SGCZ: variants seen among roughly 807,000 people sequenced by gnomAD.
The protein encoded by SGCZ is zeta-sarcoglycan.
In SGCZ, 40 loss-of-function variants were observed where a neutral mutation model predicts 41.3. The ratio of observed to expected loss-of-function variants is 0.97; its 90% CI spans 0.75 to 1.26. The LOEUF (loss-of-function observed/expected upper bound fraction) is 1.26, where lower values mean the gene tolerates loss of function less well. SGCZ is among the 50% of genes most tolerant of loss of function. The pLI is 0.00. For missense variants in SGCZ, 552 were observed against 369.8 expected (o/e 1.49, Z -4.04); for synonymous variants, 206 against 137.5 (o/e 1.50, Z -3.49).
chr8:14,667,592 G>A (rs1807951725), intron 1 of SGCZ, among the ~76,000 whole-genome samples: 1 of 152,064 alleles, frequency 6.6e-6, no homozygotes, highest in African/African-American at 2.4e-5. Flanking sequence ...CTCTCTTTCT[G>A]AAGCCAAATG....
At chr8:14,380,081 T>C (rs1314983641) in intron 2 of SGCZ, among the ~76,000 whole-genome samples, 1 of 152,182 alleles carries the variant, frequency 6.6e-6, no homozygotes, top group Non-Finnish European at 1.5e-5. Context: ...ATTGCTGATC[T>C]TATCAGGGCA....
intron 2 of SGCZ, among the ~76,000 whole-genome samples, chr8:14,457,542 G>T (rs547135409): frequency 6.6e-6 from 1 of 152,296 alleles, no homozygotes; most frequent in Non-Finnish European, 1.5e-5. Flanking sequence ...AGGCCTAACC[G>T]TCTCCCTGTG....
intron 4 of SGCZ, among the ~76,000 whole-genome samples, chr8:14,219,383 A>G (rs1806109883): frequency 6.6e-6 from 1 of 152,192 alleles, no homozygotes; most frequent in Non-Finnish European, 1.5e-5. Flanking sequence ...TGCAGCCGGT[A>G]TTGGTCAACA....
chr8:14,404,080 T>G (rs796452318), intron 2 of SGCZ, among the ~76,000 whole-genome samples: 1 of 152,106 alleles, frequency 6.6e-6, no homozygotes, highest in East Asian at 1.9e-4. Context: ...AAAGAGAGAA[T>G]AGACAATATG....
intron 1 of SGCZ, among the ~76,000 whole-genome samples, chr8:14,775,643 G>A (rs925061627): frequency 3.9e-5 from 6 of 152,248 alleles, no homozygotes; most frequent in Admixed American, 2.0e-4. Flanking sequence ...TGAGTATATA[G>A]AGTTTGGTTA....
At chr8:15,086,804 C>G (rs565916577) in intron 1 of SGCZ, among the ~76,000 whole-genome samples, 44 of 152,118 alleles carry the variant, frequency 2.9e-4, no homozygotes, top group African/African-American at 1.0e-3. Flanking sequence ...TTTCTCTCTG[C>G]ATTGTCTTTC....
At chr8:15,056,586 T>C (rs1276028630) in intron 1 of SGCZ, among the ~76,000 whole-genome samples, 1 of 152,078 alleles carries the variant, frequency 6.6e-6, no homozygotes, top group East Asian at 1.9e-4. Flanking sequence ...TAAATGTAGA[T>C]ATGAGGTGCC....
At chr8:14,368,098 C>G (rs1563283726) in intron 2 of SGCZ, among the ~76,000 whole-genome samples, 3 of 151,954 alleles carry the variant, frequency 2.0e-5, no homozygotes, top group African/African-American at 7.2e-5. Context: ...CCCAGTGTAA[C>G]ATTTTTTTTA....
chr8:14,156,318 G>A (rs931131493), intron 5 of SGCZ, among the ~76,000 whole-genome samples: 1 of 151,950 alleles, frequency 6.6e-6, no homozygotes, highest in Non-Finnish European at 1.5e-5. Flanking sequence ...AAGTTAGCCG[G>A]GCGTGGTGGT....
chr8:14,283,127 G>C (rs1024523106), intron 3 of SGCZ, among the ~76,000 whole-genome samples: 1 of 152,000 alleles, frequency 6.6e-6, no homozygotes, highest in East Asian at 1.9e-4. Context: ...GGGATTACAA[G>C]TGTGAGCCAC....
chr8:14,487,794 C>T (rs1324997393), intron 2 of SGCZ: 1 of 151,038 alleles, frequency 6.6e-6, no homozygotes. Flanking sequence ...GTCACAAATC[C>T]AAATCTACAT....
At chr8:14,666,481 TAACA>T (rs1487880505) in intron 1 of SGCZ, among the ~76,000 whole-genome samples, 1 of 152,154 alleles carries the variant, frequency 6.6e-6, no homozygotes, top group African/African-American at 2.4e-5. Flanking sequence ...TTTGTCTGCT[TAACA>T]AACAGCAGGT....
rs1303186444 is a variant in SGCZ, at chr8:15,149,322, A to T, written c.39+88263T>A. The stretch of plus-strand genomic sequence containing the variant: ...TTTAGTGCAAATTCAAGTATGGAGG[A>T]TTGGTGTGCAGAATAAAAAGCTCAC... On this transcript the variant is annotated intron_variant, in intron 1 of 7. Transcript: ENST00000382080. 2.0e-5 allele frequency among the ~76,000 whole-genome samples: 3 copies of T among 152,180 alleles called. No individual in the cohort carries two copies. The East Asian group carries it at 5.8e-4, about 29-fold the overall frequency.
At chr8:14,853,763 G>C (rs1317195004) in intron 1 of SGCZ, among the ~76,000 whole-genome samples, 1 of 151,904 alleles carries the variant, frequency 6.6e-6, no homozygotes, top group African/African-American at 2.4e-5. Context: ...GAGAGGAAGG[G>C]AGAAAAATAA....
chr8:15,105,326 A>G (rs976271386), intron 1 of SGCZ, among the ~76,000 whole-genome samples: 1 of 152,130 alleles, frequency 6.6e-6, no homozygotes, highest in Admixed American at 6.6e-5. Context: ...CACATCCCTC[A>G]CACTGCTGTA....
At chr8:15,035,981 G>A (rs74786756) in intron 1 of SGCZ, among the ~76,000 whole-genome samples, 16,749 of 151,410 alleles carry the variant, frequency 0.11, 1,012 homozygotes, top group Middle Eastern at 0.2. Context: ...GATAGTATAA[G>A]ACAACATTAA....
intron 1 of SGCZ, among the ~76,000 whole-genome samples, chr8:15,084,401 C>T (rs1205233676): frequency 2.0e-5 from 3 of 152,108 alleles, no homozygotes; most frequent in African/African-American, 2.4e-5. Context: ...TGTGCGAAGA[C>T]ATTAAATAAG....
chr8:15,206,601 A>G (rs1801075716), intron 1 of SGCZ, among the ~76,000 whole-genome samples: 1 of 151,904 alleles, frequency 6.6e-6, no homozygotes, highest in Non-Finnish European at 1.5e-5. Context: ...GGTGCCCGCC[A>G]CCACACTTGG....
At chr8:14,359,778 G>A (rs187133319) in intron 2 of SGCZ, among the ~76,000 whole-genome samples, 34 of 150,218 alleles carry the variant, frequency 2.3e-4, no homozygotes, top group African/African-American at 5.4e-4. Flanking sequence ...TATTCTACAA[G>A]GTTAGTACAC....
Sources: gnomAD v4.1 joint callset for allele counts (sites outside exome capture counted in the v4.1 genomes callset) on GRCh38, gnomAD v4.1.1 for gene constraint, MANE v1.5 for transcripts, NCBI Gene and HGNC (gene_info 2026-07-23, HGNC 2026-07-21) for gene names.